The following CWF19L1 variants were observed in gnomAD, a reference collection of about 807,000 sequenced individuals.
CWF19L1 encodes the protein CWF19 like cell cycle control factor 1, also known as CWF19-like protein 1.
Under a neutral mutation model 69.7 loss-of-function variants are expected in CWF19L1, and 60 were observed. That is an observed-to-expected ratio of 0.86 (90% CI 0.70 to 1.07). CWF19L1 has a LOEUF of 1.07. CWF19L1 is among the 50% of genes least tolerant of loss of function. The pLI is 0.00. For missense variants in CWF19L1, 591 were observed against 638.9 expected, an observed-to-expected ratio of 0.92 and a Z score of 0.81; for synonymous variants, 209 against 222.2, an observed-to-expected ratio of 0.94 and a Z score of 0.53.
chr10:100,243,865 A>G, intron 9 of CWF19L1, 88 bp from the exon 10 acceptor site: 1 of 1,093,494 alleles, frequency 9.1e-7, no homozygotes, highest in East Asian at 2.4e-5. Context: ...TCTGATTTTT[A>G]TATCCTGAAA....
At chr10:100,233,465 T>C in intron 13 of CWF19L1, 94 bp from the exon 14 acceptor site, 1 of 1,324,370 alleles carries the variant, frequency 7.6e-7, no homozygotes, top group Non-Finnish European at 1.0e-6. Context: ...TCTCTGACTT[T>C]GCTCTCCTGC....
chr10:100,240,873 T>C (rs1319018331), intron 10 of CWF19L1, among the ~76,000 whole-genome samples: 2 of 152,160 alleles, frequency 1.3e-5, no homozygotes, highest in South Asian at 2.1e-4. Context: ...CTATAAAAGC[T>C]AGAGCTTCTC....
intron 4 of CWF19L1, among the ~76,000 whole-genome samples, chr10:100,257,749 T>C (rs764252492): frequency 6.6e-6 from 1 of 152,116 alleles, no homozygotes; most frequent in Non-Finnish European, 1.5e-5. Flanking sequence ...CAAACAGTCC[T>C]CTAAGCACTT....
chr10:100,249,915 A>C (rs1222162849), intron 7 of CWF19L1, among the ~76,000 whole-genome samples: 1 of 152,234 alleles, frequency 6.6e-6, no homozygotes, highest in Non-Finnish European at 1.5e-5. Flanking sequence ...CAGCTAAATG[A>C]AGTTGCTAAA....
chr10:100,248,126 T>TA (rs1846891589), intron 7 of CWF19L1: 2 of 539,266 alleles, frequency 3.7e-6, no homozygotes, highest in Non-Finnish European at 6.7e-6. Flanking sequence ...TGTTATTCAG[T>TA]TTGAAAGGGC....
Position 100,250,291 on chromosome 10 carries a change from C to T in CWF19L1, c.665G>A (p.Arg222Gln), listed in dbSNP as rs772697259. The T allele has an allele frequency of 3.4e-5, 55 of 1,612,954 alleles. No homozygotes were observed. The highest frequency in any genetic ancestry group is 4.2e-5 in the Non-Finnish European group (49 of 1,179,286). ...TCCAACATTTGCCAGAGCTATAAACCGGGTGGCATGCTGTGCATTTTCCTG... is the reference window on the plus strand; with the variant it reads ...TCCAACATTTGCCAGAGCTATAAACTGGGTGGCATGCTGTGCATTTTCCTG... Reference protein sequence around the residue: ...ILQENAQHATRFIALANVGNP... With the variant: ...ILQENAQHATQFIALANVGNP... The change falls in exon 7 of 14, where the codon CGG becomes CAG. Residue 222 changes from arginine (R) to glutamine (Q), a missense_variant. This residue lies in a region of CWF19L1 where 458 missense variants were observed against 489.3 expected (regional missense o/e 0.94). Coordinates refer to ENST00000354105, the MANE Select transcript of CWF19L1 (RefSeq NM_018294.6).
chr10:100,246,760 A>C lies in CWF19L1; in HGVS notation c.849+35T>G, dbSNP rs768740155. Reference sequence around the variant, plus strand: ...ACTAAACTATAACTAGGAAAAGAACACATATAAAAATGCCAACCCTCAATC... The same window carrying C: ...ACTAAACTATAACTAGGAAAAGAACCCATATAAAAATGCCAACCCTCAATC... On this transcript the variant is annotated intron_variant, in intron 8 of 13. Coordinates refer to ENST00000354105, the MANE Select transcript of CWF19L1 (RefSeq NM_018294.6). 7 of 1,573,986 alleles carry C rather than the reference A, an allele frequency of 4.4e-6. No individual in the cohort carries two copies. The South Asian group carries it at 8.1e-5, about 18-fold the overall frequency.
chr10:100,255,323 AGCCTG>A (rs1847173810), intron 5 of CWF19L1, among the ~76,000 whole-genome samples: 1 of 152,158 alleles, frequency 6.6e-6, no homozygotes, highest in Non-Finnish European at 1.5e-5. Flanking sequence ...GTTCAAGACC[AGCCTG>A]GGCAACCCTG....
intron 5 of CWF19L1, among the ~76,000 whole-genome samples, chr10:100,255,641 T>C (rs548757397): frequency 2.8e-4 from 43 of 151,950 alleles, no homozygotes; most frequent in African/African-American, 1.0e-3. Context: ...TGTGCGCCTA[T>C]AGTCCCAGCT....
chr10:100,260,183 A>C lies in CWF19L1; in HGVS notation c.289+35T>G, dbSNP rs572190032. ...ACTCCGTCTCAAAAACAAAAAACAA[A>C]AAACAAAAAAAAAATACAACAAGTA... On this transcript the variant is annotated intron_variant, in intron 4 of 13. Transcript: ENST00000354105. 4.7e-4 allele frequency: 689 copies of C among 1,473,940 alleles called. 2 individuals carry two copies. The African/African-American group carries it at 8.9e-3, about 19-fold the overall frequency. 91.3% of individuals were successfully genotyped at this position (1,473,940 alleles called of 1,614,324 possible).
intron 1 of CWF19L1, among the ~76,000 whole-genome samples, chr10:100,266,448 G>A (rs371260609): frequency 1.3e-5 from 2 of 151,558 alleles, no homozygotes; most frequent in African/African-American, 4.9e-5. Context: ...CTTGGCCTCC[G>A]GAGTCGCTGG....
intron 5 of CWF19L1, chr10:100,253,949 C>T (rs543272116): frequency 1.3e-5 from 2 of 154,824 alleles, no homozygotes; most frequent in Non-Finnish European, 2.9e-5. Flanking sequence ...ACAATCTCGG[C>T]TCACTGCAAC....
At chr10:100,248,662 G>T in intron 7 of CWF19L1, 1 of 868,856 alleles carries the variant, frequency 1.2e-6, no homozygotes. Flanking sequence ...TCACTTTGAT[G>T]CTGGAGAACT....
At position 100,233,349 on chromosome 10, in the gene CWF19L1, T is replaced by G. The variant is rs756547642; in HGVS notation, c.1495A>C (p.Ile499Leu). ...TCAGACTTATCAGGAACATTAAGGATGGCTTCACTGGCCAGGACCTCCCTG... is the reference window on the plus strand; with the variant it reads ...TCAGACTTATCAGGAACATTAAGGAGGGCTTCACTGGCCAGGACCTCCCTG... ...FGREVLASEA[I>L]LNVPDKSDWR... Residue 499 changes from isoleucine (I) to leucine (L), a missense_variant, in exon 14 of 14, where the codon ATC becomes CTC. Physicochemically the swap from Ile to Leu is conservative, Grantham distance 5. This residue lies in a region of CWF19L1 where 458 missense variants were observed against 489.3 expected (regional missense o/e 0.94). Transcript: ENST00000354105. The G allele has an allele frequency of 8.1e-6, 13 of 1,613,514 alleles. No individual in the cohort carries two copies. Among genetic ancestry groups the G allele is most frequent in the Non-Finnish European group, 1.0e-5 (12 of 1,179,756 alleles).
chr10:100,237,238 T>A, intron 11 of CWF19L1: 1 of 643,536 alleles, frequency 1.6e-6, no homozygotes, highest in Non-Finnish European at 2.9e-6. Context: ...CGATATTATA[T>A]ATGTGGCAGA....
chr10:100,260,341 A>G, intron 3 of CWF19L1, 22 bp from the exon 4 acceptor site: 1 of 1,342,078 alleles, frequency 7.5e-7, no homozygotes, highest in Non-Finnish European at 1.1e-6. Flanking sequence ...AACAGACATG[A>G]CACCATATAG....
At chr10:100,254,697 C>T (rs975711526) in intron 5 of CWF19L1, 3 of 152,106 alleles carry the variant, frequency 2.0e-5, no homozygotes, top group African/African-American at 7.2e-5. Flanking sequence ...TATTTATAAG[C>T]CTTGATCAAA....
intron 5 of CWF19L1, among the ~76,000 whole-genome samples, chr10:100,255,803 G>A (rs1252781169): frequency 6.6e-6 from 1 of 150,978 alleles, no homozygotes; most frequent in East Asian, 1.9e-4. Context: ...GGTGGCGCAT[G>A]CCTATAATCT....
Position 100,238,245 on chromosome 10 carries a change from A to C in CWF19L1, c.1045-14T>G. ...GGCAAGGTAGCACTGAAGAAGCAGC[A>C]CACAGAATTGAGACATCAATACAGC... On this transcript the variant is annotated splice_polypyrimidine_tract_variant and intron_variant, in intron 10 of 13. Coordinates refer to ENST00000354105, the MANE Select transcript of CWF19L1 (RefSeq NM_018294.6). The C allele has an allele frequency of 6.2e-7, 1 of 1,613,302 alleles. No individual in the cohort carries two copies. The highest frequency in any genetic ancestry group is 8.5e-7 in the Non-Finnish European group (1 of 1,179,240).
Sources: gnomAD v4.1 joint callset for allele counts (sites outside exome capture counted in the v4.1 genomes callset) on GRCh38, gnomAD v4.1.1 for gene constraint, gnomAD v4.1.1 regional missense constraint, MANE v1.5 for transcripts, NCBI Gene and HGNC (gene_info 2026-07-23, HGNC 2026-07-21) for gene names.